TMEM117: variants seen among roughly 807,000 people sequenced by gnomAD.
TMEM117 encodes the protein transmembrane protein 117.
TMEM117 carries 27 observed loss-of-function variants against 52.4 expected under a neutral mutation model. The observed-to-expected ratio is 0.51, with a 90% CI of 0.38 to 0.71. The LOEUF (loss-of-function observed/expected upper bound fraction) is 0.71, where lower values mean the gene tolerates loss of function less well. Among genes scored for constraint, TMEM117 ranks in the 30% least tolerant of loss-of-function variants. TMEM117 has a pLI of 0.00. For synonymous variants in TMEM117, 215 were observed against 206.3 expected (o/e 1.04, Z -0.36); for missense variants, 556 against 630.5 (o/e 0.88, Z 1.26).
intron 2 of TMEM117, among the ~76,000 whole-genome samples, chr12:43,915,003 G>T (rs1012705502): frequency 6.6e-6 from 1 of 152,128 alleles, no homozygotes; most frequent in African/African-American, 2.4e-5. Context: ...AAGAACCCCT[G>T]AAGCTTATAC....
intron 3 of TMEM117, among the ~76,000 whole-genome samples, chr12:44,039,060 A>G (rs578193159): frequency 1.3e-5 from 2 of 152,328 alleles, no homozygotes; most frequent in Non-Finnish European, 2.9e-5. Flanking sequence ...TTGATAAACA[A>G]AAGTTTGTAA....
At position 43,859,816 on chromosome 12, in the gene TMEM117, A is replaced by G. The variant is rs570534620; in HGVS notation, c.277+14888A>G. Among the ~76,000 whole-genome samples, 133 of 152,332 alleles carry G rather than the reference A, an allele frequency of 8.7e-4. 1 individual carries two copies. In the South Asian group the frequency reaches 0.019, roughly 22 times the overall value. On this transcript the variant is annotated intron_variant, in intron 2 of 7. Transcript: ENST00000266534. Reference sequence around the variant, plus strand: ...ACTCCTATTCCCTGAGTCCATTCCCATCATATACTGAACATAAGGCATAAC... The same window carrying G: ...ACTCCTATTCCCTGAGTCCATTCCCGTCATATACTGAACATAAGGCATAAC...
chr12:44,068,494 A>C (rs1947254957), intron 3 of TMEM117, among the ~76,000 whole-genome samples: 2 of 152,182 alleles, frequency 1.3e-5, no homozygotes. Flanking sequence ...TAGTATTATT[A>C]GTTGGCCTAA....
chr12:44,205,306 C>G (rs1016208564), intron 4 of TMEM117, among the ~76,000 whole-genome samples: 3 of 152,160 alleles, frequency 2.0e-5, no homozygotes, highest in Non-Finnish European at 4.4e-5. Context: ...TACAAGCTCT[C>G]TTGTTTGTTG....
intron 3 of TMEM117, among the ~76,000 whole-genome samples, chr12:44,040,596 G>C (rs1376117507): frequency 1.3e-5 from 2 of 151,938 alleles, no homozygotes; most frequent in African/African-American, 2.4e-5. Flanking sequence ...TGACAGTTTT[G>C]TTTCTTCACT....
At chr12:43,813,215 G>A in the TMEM117 span, among the ~76,000 whole-genome samples, 1 of 128,592 alleles carries the variant, frequency 7.8e-6, no homozygotes, top group Non-Finnish European at 1.6e-5. Flanking sequence ...CAGGTTTTCT[G>A]AACTGGTTTT....
chr12:44,034,505 C>T (rs1946681712), intron 3 of TMEM117, among the ~76,000 whole-genome samples: 1 of 152,024 alleles, frequency 6.6e-6, no homozygotes, highest in Non-Finnish European at 1.5e-5. Context: ...CAATTAAGTC[C>T]GTGGTGATTA....
intron 4 of TMEM117, among the ~76,000 whole-genome samples, chr12:44,208,015 G>T (rs1443409710): frequency 6.6e-6 from 1 of 152,076 alleles, no homozygotes; most frequent in Non-Finnish European, 1.5e-5. Context: ...TAAGAGCTTT[G>T]TAATCCATGA....
intron 2 of TMEM117, among the ~76,000 whole-genome samples, chr12:43,869,909 C>T (rs1045753094): frequency 6.6e-6 from 1 of 152,168 alleles, no homozygotes; most frequent in Non-Finnish European, 1.5e-5. Flanking sequence ...GATCCTCTCC[C>T]TTCTCCCACC....
chr12:43,809,661 C>T, the TMEM117 span, among the ~76,000 whole-genome samples: 1 of 152,184 alleles, frequency 6.6e-6, no homozygotes, highest in Non-Finnish European at 1.5e-5. Flanking sequence ...TATATAGGTT[C>T]ATAAAACCAC....
intron 4 of TMEM117, among the ~76,000 whole-genome samples, chr12:44,152,007 T>C (rs1948736562): frequency 8.3e-6 from 1 of 120,062 alleles, no homozygotes; most frequent in Admixed American, 1.0e-4. Flanking sequence ...ATAAATATAA[T>C]ATATATTATA....
intron 5 of TMEM117, among the ~76,000 whole-genome samples, chr12:44,283,300 A>T (rs1950600246): frequency 6.6e-6 from 1 of 152,088 alleles, no homozygotes; most frequent in African/African-American, 2.4e-5. Context: ...ACCCACCAAG[A>T]GCTTGCACCA....
Position 43,960,367 on chromosome 12 carries a change from T to C in TMEM117, c.410+16025T>C, listed in dbSNP as rs566648174. Among the ~76,000 whole-genome samples the C allele has an allele frequency of 6.3e-4, 95 of 151,902 alleles. 1 individual carries two copies. The highest frequency in any genetic ancestry group is 2.2e-3 in the African/African-American group (91 of 41,454). On this transcript the variant is annotated intron_variant, in intron 3 of 7. Coordinates refer to ENST00000266534, the MANE Select transcript of TMEM117 (RefSeq NM_032256.3). ...GGAGGAAGAAGAAAGAGAATGAGAC[T>C]AGACTTATTTAGCTAGAGGAAACAG...
At position 43,945,989 on chromosome 12, in the gene TMEM117, A is replaced by T. The variant is rs116038314; in HGVS notation, c.410+1647A>T. ...ATACATTTCACATGTTTTATATTTT[A>T]GTTTATACTAACAAGTGATAAATTC... On this transcript the variant is annotated intron_variant, in intron 3 of 7. Transcript: ENST00000266534. Among the ~76,000 whole-genome samples the T allele has an allele frequency of 7.0e-3, 1,067 of 152,348 alleles. 11 individuals are homozygous for T. Among genetic ancestry groups the T allele is most frequent in the African/African-American group, 0.023 (963 of 41,584 alleles).
chr12:43,913,973 G>A (rs1944558186), intron 2 of TMEM117, among the ~76,000 whole-genome samples: 2 of 152,110 alleles, frequency 1.3e-5, no homozygotes, highest in African/African-American at 4.8e-5. Context: ...ACTTAGTTCT[G>A]TTAATGTTTT....
At chr12:43,886,717 T>C (rs1019890210) in intron 2 of TMEM117, among the ~76,000 whole-genome samples, 4 of 152,194 alleles carry the variant, frequency 2.6e-5, no homozygotes, top group African/African-American at 9.7e-5. Context: ...ATTGTACACG[T>C]TATTTCATTA....
intron 4 of TMEM117, among the ~76,000 whole-genome samples, chr12:44,196,717 T>G (rs1949425818): frequency 6.6e-6 from 1 of 152,230 alleles, no homozygotes; most frequent in African/African-American, 2.4e-5. Context: ...ATTTCTAAGT[T>G]TTCTATTATG....
chr12:43,994,317 A>G (rs369510159), intron 3 of TMEM117, among the ~76,000 whole-genome samples: 25 of 152,198 alleles, frequency 1.6e-4, no homozygotes, highest in South Asian at 4.1e-4. Context: ...TTTATTAATA[A>G]TAGACCCCTT....
At chr12:43,952,500 A>G (rs543179779) in intron 3 of TMEM117, among the ~76,000 whole-genome samples, 1 of 152,190 alleles carries the variant, frequency 6.6e-6, no homozygotes, top group South Asian at 2.1e-4. Flanking sequence ...TGCAGACACA[A>G]GTATCAATAG....
Sources: gnomAD v4.1 joint callset for allele counts (sites outside exome capture counted in the v4.1 genomes callset) on GRCh38, gnomAD v4.1.1 for gene constraint, MANE v1.5 for transcripts, NCBI Gene and HGNC (gene_info 2026-07-23, HGNC 2026-07-21) for gene names.